The following FRMD4A variants were observed in gnomAD, a reference collection of about 807,000 sequenced individuals.
FRMD4A encodes FERM domain-containing protein 4A.
In FRMD4A, 29 loss-of-function variants were observed where a neutral mutation model predicts 129.1. The ratio of observed to expected loss-of-function variants is 0.22; its 90% CI spans 0.17 to 0.31. The LOEUF is 0.31. FRMD4A is among the 10% of genes least tolerant of loss of function. The pLI is 1.00. For synonymous variants in FRMD4A, 634 were observed against 571.6 expected (o/e 1.11, Z -1.56); for missense variants, 1,272 against 1,375.8 (o/e 0.92, Z 1.19).
intron 15 of FRMD4A, among the ~76,000 whole-genome samples, chr10:13,683,526 G>A (rs1370705739): frequency 6.6e-6 from 1 of 152,042 alleles, no homozygotes; most frequent in Non-Finnish European, 1.5e-5. Context: ...GAATCCGGGA[G>A]TTTGAGAGTA....
intron 2 of FRMD4A, among the ~76,000 whole-genome samples, chr10:13,859,275 T>C (rs897188539): frequency 1.3e-5 from 2 of 152,026 alleles, no homozygotes. Flanking sequence ...TCCCAGCTAC[T>C]TGGGAGGCTG....
chr10:14,144,336 G>A (rs999366700), intron 2 of FRMD4A, among the ~76,000 whole-genome samples: 1 of 152,178 alleles, frequency 6.6e-6, no homozygotes, highest in African/African-American at 2.4e-5. Context: ...GAGTGGAGGA[G>A]AGAGGAGGGG....
rs114731206 is a variant in FRMD4A at position 14,322,416 on chromosome 10, A to G, written c.45+7642T>C. Among the ~76,000 whole-genome samples the G allele has an allele frequency of 3.2e-3, 493 of 152,314 alleles. 5 individuals are homozygous for G. The highest frequency in any genetic ancestry group is 0.011 in the African/African-American group (461 of 41,566). ...GTTCTGAGTTTCACATACCTGTGGAACAAGCAGGAGAATAAATCTGATAAA... is the reference window on the plus strand; with the variant it reads ...GTTCTGAGTTTCACATACCTGTGGAGCAAGCAGGAGAATAAATCTGATAAA... On this transcript the variant is annotated intron_variant, in intron 2 of 24. Coordinates refer to ENST00000357447, the MANE Select transcript of FRMD4A (RefSeq NM_018027.5).
intron 11 of FRMD4A, among the ~76,000 whole-genome samples, chr10:13,738,423 A>G (rs11592088): frequency 0.24 from 36,711 of 152,066 alleles, 5,181 homozygotes; most frequent in Non-Finnish European, 0.32. Flanking sequence ...AACAAATCAC[A>G]GCAAAGAGTT....
In FRMD4A at chr10:14,298,291, A is replaced by G. The variant is rs180811031; in HGVS notation, c.45+31767T>C. ...CCAGTACACCAGTAAAGTAGGGAAG[A>G]TATAAGAAAAATCACTGAATCCTCT... On this transcript the variant is annotated intron_variant, in intron 2 of 24. Transcript: ENST00000357447. Among the ~76,000 whole-genome samples the G allele has an allele frequency of 3.1e-3, 469 of 152,350 alleles. 3 individuals are homozygous for G. Among genetic ancestry groups the G allele is most frequent in the African/African-American group, 0.011 (444 of 41,574 alleles).
intron 2 of FRMD4A, among the ~76,000 whole-genome samples, chr10:14,282,454 G>A (rs530525643): frequency 1.4e-4 from 21 of 152,276 alleles, no homozygotes; most frequent in South Asian, 1.2e-3. Context: ...AATAAAATGA[G>A]TAATCGCCTT....
At chr10:14,148,486 G>A (rs973224086) in intron 2 of FRMD4A, among the ~76,000 whole-genome samples, 4 of 152,286 alleles carry the variant, frequency 2.6e-5, no homozygotes, top group Admixed American at 1.3e-4. Flanking sequence ...GAGAATGGCC[G>A]GGTGCGCTGG....
Position 13,892,029 on chromosome 10 carries a change from C to CCT in FRMD4A, c.46-33118_46-33117insAG, listed in dbSNP as rs1208794369. Among the ~76,000 whole-genome samples, 4 of 151,382 alleles carry CCT rather than the reference C, an allele frequency of 2.6e-5. No individual in the cohort carries two copies. In the East Asian group the frequency reaches 7.8e-4, roughly 29 times the overall value. On this transcript the variant is annotated intron_variant, in intron 2 of 24. Coordinates refer to ENST00000357447, the MANE Select transcript of FRMD4A (RefSeq NM_018027.5). Reference sequence around the variant, plus strand: ...CCTGGACAACAATGCGCGCCCCCGCCCCCCCAGAAAGCCAGGGACGCCCCC... The same window carrying CCT: ...CCTGGACAACAATGCGCGCCCCCGCCCTCCCCCAGAAAGCCAGGGACGCCCCC...
At chr10:14,017,508 C>G (rs774855725) in intron 2 of FRMD4A, among the ~76,000 whole-genome samples, 1 of 152,174 alleles carries the variant, frequency 6.6e-6, no homozygotes, top group Non-Finnish European at 1.5e-5. Flanking sequence ...AGGCTTAGCT[C>G]TCAAATTTCA....
intron 2 of FRMD4A, among the ~76,000 whole-genome samples, chr10:13,991,659 G>T (rs1461467183): frequency 6.6e-6 from 1 of 152,168 alleles, no homozygotes; most frequent in Admixed American, 6.6e-5. Flanking sequence ...TACACCTGTT[G>T]GGACAATGCG....
Position 13,845,261 on chromosome 10 carries a change from A to C in FRMD4A, c.111+13586T>G, listed in dbSNP as rs536495885. Among the ~76,000 whole-genome samples, 6 of 152,308 alleles carry C rather than the reference A, an allele frequency of 3.9e-5. No individual in the cohort carries two copies. In the East Asian group the frequency reaches 9.6e-4, roughly 24 times the overall value. ...TTCTGCCTGTCATCCTATGACCTTG[A>C]CACATGAGTTATATATGGCGTTGGA... On this transcript the variant is annotated intron_variant, in intron 3 of 24. Transcript: ENST00000357447.
chr10:13,852,637 C>CA (rs2094155401), intron 3 of FRMD4A, among the ~76,000 whole-genome samples: 1 of 152,132 alleles, frequency 6.6e-6, no homozygotes, highest in South Asian at 2.1e-4. Context: ...CTCACCAAGG[C>CA]AAAAATTATT....
At chr10:14,312,311 A>G (rs889850975) in intron 2 of FRMD4A, among the ~76,000 whole-genome samples, 1 of 152,232 alleles carries the variant, frequency 6.6e-6, no homozygotes, top group Non-Finnish European at 1.5e-5. Flanking sequence ...CCTTCAGAGA[A>G]TAGCTCACTT....
In FRMD4A at chr10:13,661,598, C is replaced by T. The variant is rs115417997; in HGVS notation, c.1661-1045G>A. ...GGAAAACTTTGCGATGTCTTAAGCA[C>T]GGATGCGTCGGAGTGAAAAATCCTG... On this transcript the variant is annotated intron_variant, in intron 19 of 24. Transcript: ENST00000357447. 6.0e-3 allele frequency among the ~76,000 whole-genome samples: 917 copies of T among 152,246 alleles called. 6 individuals are homozygous for T. Among genetic ancestry groups the T allele is most frequent in the African/African-American group, 0.021 (854 of 41,532 alleles).
intron 2 of FRMD4A, among the ~76,000 whole-genome samples, chr10:14,031,676 G>C (rs1006885501): frequency 3.3e-5 from 5 of 152,214 alleles, no homozygotes; most frequent in African/African-American, 1.2e-4. Flanking sequence ...GAAGCTCTTA[G>C]AGCTGGTCTG....
At chr10:14,226,756 G>A (rs945202590) in intron 2 of FRMD4A, among the ~76,000 whole-genome samples, 24 of 152,240 alleles carry the variant, frequency 1.6e-4, no homozygotes, top group African/African-American at 5.5e-4. Flanking sequence ...GGAACTGCCT[G>A]CAAGGCTCCA....
chr10:13,663,794 C>G (rs1261185877), intron 18 of FRMD4A, among the ~76,000 whole-genome samples: 2 of 152,076 alleles, frequency 1.3e-5, no homozygotes, highest in Non-Finnish European at 2.9e-5. Context: ...TGGCTTCATA[C>G]CGAATATAAA....
chr10:13,854,134 A>G (rs1227201519), intron 3 of FRMD4A, among the ~76,000 whole-genome samples: 1 of 152,158 alleles, frequency 6.6e-6, no homozygotes, highest in Non-Finnish European at 1.5e-5. Context: ...GGCTTCCTGT[A>G]CCCCATCTAG....
chr10:14,250,389 T>C (rs1055185969), intron 2 of FRMD4A, among the ~76,000 whole-genome samples: 1 of 152,162 alleles, frequency 6.6e-6, no homozygotes, highest in African/African-American at 2.4e-5. Flanking sequence ...CTGGTGAAAA[T>C]GGCGTCTTGT....
Sources: gnomAD v4.1 joint callset for allele counts (sites outside exome capture counted in the v4.1 genomes callset) on GRCh38, gnomAD v4.1.1 for gene constraint, MANE v1.5 for transcripts, NCBI Gene and HGNC (gene_info 2026-07-23, HGNC 2026-07-21) for gene names.